Variants in BMPR1A observed in about 807,000 individuals in gnomAD.
The protein encoded by BMPR1A is bone morphogenetic protein receptor type-1A.
Under a neutral mutation model 66.0 loss-of-function variants are expected in BMPR1A, and 7 were observed. The observed-to-expected ratio is 0.11, with a 90% CI of 0.06 to 0.20. The LOEUF (loss-of-function observed/expected upper bound fraction) is 0.20, where lower values mean the gene tolerates loss of function less well. Among genes scored for constraint, BMPR1A ranks in the 10% least tolerant of loss-of-function variants. The pLI, the probability that BMPR1A is intolerant of heterozygous loss-of-function variation, is 1.00. For missense variants in BMPR1A, 408 were observed against 669.1 expected (o/e 0.61, Z 4.31); for synonymous variants, 200 against 229.7 (o/e 0.87, Z 1.17).
chr10:86,889,492 A>G (rs1301643221), intron 3 of BMPR1A: 1 of 152,790 alleles, frequency 6.5e-6, no homozygotes, highest in Non-Finnish European at 1.5e-5. Flanking sequence ...ACTTGTCTCT[A>G]TTTAATGATT....
chr10:86,781,857 CT>C (rs1162095658), intron 1 of BMPR1A, among the ~76,000 whole-genome samples: 982 of 84,206 alleles, frequency 0.012, 5 homozygotes, highest in South Asian at 0.073. Context: ...GACAGGATTT[CT>C]TTTTTTTTTT....
At chr10:86,839,868 C>T (rs1413075594) in intron 2 of BMPR1A, among the ~76,000 whole-genome samples, 1 of 151,986 alleles carries the variant, frequency 6.6e-6, no homozygotes, top group Non-Finnish European at 1.5e-5. Flanking sequence ...CTCTGTGTTG[C>T]TCAGGCTGGT....
intron 1 of BMPR1A, among the ~76,000 whole-genome samples, chr10:86,783,986 A>G (rs555272438): frequency 6.6e-6 from 1 of 152,320 alleles, no homozygotes; most frequent in Non-Finnish European, 1.5e-5. Flanking sequence ...TGCTTTGCTT[A>G]GTTTATTATA....
intron 11 of BMPR1A, among the ~76,000 whole-genome samples, chr10:86,922,641 G>A (rs1049049426): frequency 2.6e-5 from 4 of 152,210 alleles, no homozygotes; most frequent in Admixed American, 6.5e-5. Flanking sequence ...GAGTCAGGGC[G>A]TGTGCTTCAT....
intron 10 of BMPR1A, among the ~76,000 whole-genome samples, chr10:86,920,929 C>T (rs1843653755): frequency 6.8e-6 from 1 of 146,132 alleles, no homozygotes; most frequent in African/African-American, 2.6e-5. Flanking sequence ...GGTCTCGGCT[C>T]ACTGCAGTCT....
chr10:86,798,849 G>T (rs1385739114), intron 1 of BMPR1A, among the ~76,000 whole-genome samples: 1 of 152,220 alleles, frequency 6.6e-6, no homozygotes, highest in Non-Finnish European at 1.5e-5. Flanking sequence ...GCTCATGTGA[G>T]TGGGGAATCC....
At chr10:86,819,802 T>C (rs1296308918) in intron 1 of BMPR1A, among the ~76,000 whole-genome samples, 1 of 152,220 alleles carries the variant, frequency 6.6e-6, no homozygotes, top group Non-Finnish European at 1.5e-5. Flanking sequence ...TCTTCAGTTA[T>C]GAGTGGCATA....
chr10:86,768,456 C>T (rs1321312264), intron 1 of BMPR1A, among the ~76,000 whole-genome samples: 3 of 151,946 alleles, frequency 2.0e-5, no homozygotes, highest in Admixed American at 6.6e-5. Flanking sequence ...TGTTCACAGG[C>T]CTTTGTTCTT....
chr10:86,823,635 T>C (rs1357192695), intron 1 of BMPR1A, among the ~76,000 whole-genome samples: 1 of 152,220 alleles, frequency 6.6e-6, no homozygotes, highest in African/African-American at 2.4e-5. Flanking sequence ...AAATGAGCAG[T>C]TGTGTGTGCT....
At chr10:86,767,634 T>C (rs1048615675) in intron 1 of BMPR1A, among the ~76,000 whole-genome samples, 5 of 152,128 alleles carry the variant, frequency 3.3e-5, no homozygotes, top group Non-Finnish European at 7.4e-5. Flanking sequence ...GCCATGATCT[T>C]ACACTGCACT....
At chr10:86,910,304 C>T (rs960902510) in intron 7 of BMPR1A, among the ~76,000 whole-genome samples, 11 of 152,084 alleles carry the variant, frequency 7.2e-5, no homozygotes, top group Non-Finnish European at 1.2e-4. Flanking sequence ...CGCCATTGCA[C>T]TCCAGCCTGG....
At chr10:86,809,705 A>G (rs943812594) in intron 1 of BMPR1A, among the ~76,000 whole-genome samples, 4 of 149,762 alleles carry the variant, frequency 2.7e-5, no homozygotes, top group East Asian at 2.0e-4. Flanking sequence ...AGCCTCCCCA[A>G]GTATTGGGAT....
intron 1 of BMPR1A, among the ~76,000 whole-genome samples, chr10:86,807,487 C>T (rs1841905365): frequency 6.6e-6 from 1 of 151,246 alleles, no homozygotes; most frequent in African/African-American, 2.4e-5. Flanking sequence ...CTCAAGCGGT[C>T]CTCCTGCCTC....
intron 2 of BMPR1A, among the ~76,000 whole-genome samples, chr10:86,865,771 C>A (rs1302629374): frequency 2.0e-5 from 3 of 152,224 alleles, no homozygotes; most frequent in Admixed American, 2.0e-4. Flanking sequence ...ATCCTGGTCC[C>A]TGGTCAAACT....
At chr10:86,773,597 GAAAAAAAAAA>G (rs71019429) in intron 1 of BMPR1A, among the ~76,000 whole-genome samples, 1 of 99,862 alleles carries the variant, frequency 1.0e-5, no homozygotes, top group Non-Finnish European at 2.1e-5. Context: ...GTCTCAGAAA[GAAAAAAAAAA>G]AAAAAAAAAA....
intron 1 of BMPR1A, among the ~76,000 whole-genome samples, chr10:86,818,146 G>A (rs891130789): frequency 6.6e-6 from 1 of 152,172 alleles, no homozygotes. Context: ...AGCCTCCTAA[G>A]TAGCTAGGAT....
At chr10:86,773,128 CTT>C (rs1554876952) in intron 1 of BMPR1A, among the ~76,000 whole-genome samples, 41 of 113,212 alleles carry the variant, frequency 3.6e-4, no homozygotes, top group Non-Finnish European at 4.8e-4. Flanking sequence ...TTCTAGTTAT[CTT>C]TTTTTTTTTT....
chr10:86,789,716 A>G (rs1028151017), intron 1 of BMPR1A, among the ~76,000 whole-genome samples: 39 of 133,808 alleles, frequency 2.9e-4, no homozygotes, highest in Non-Finnish European at 4.8e-4. Flanking sequence ...TCTGTCTTAG[A>G]AAAAAAAAAC....
At chr10:86,811,645 C>T (rs914327001) in intron 1 of BMPR1A, among the ~76,000 whole-genome samples, 1 of 152,090 alleles carries the variant, frequency 6.6e-6, no homozygotes, top group African/African-American at 2.4e-5. Flanking sequence ...TTTTGTCTAT[C>T]TTACAGGCAG....
Sources: gnomAD v4.1 joint callset for allele counts (sites outside exome capture counted in the v4.1 genomes callset) on GRCh38, gnomAD v4.1.1 for gene constraint, MANE v1.5 for transcripts, NCBI Gene and HGNC (gene_info 2026-07-23, HGNC 2026-07-21) for gene names.